The following ASIC2 variants were observed in gnomAD, a reference collection of about 807,000 sequenced individuals.
The protein encoded by ASIC2 is acid sensing ion channel subunit 2.
Under a neutral mutation model 57.3 loss-of-function variants are expected in ASIC2, and 25 were observed. The observed-to-expected ratio is 0.44, with a 90% CI of 0.32 to 0.61. The LOEUF (loss-of-function observed/expected upper bound fraction) is 0.61, where lower values mean the gene tolerates loss of function less well. Among genes scored for constraint, ASIC2 ranks in the 20% least tolerant of loss-of-function variants. ASIC2 has a pLI of 0.06. For missense variants in ASIC2, 641 were observed against 738.1 expected (o/e 0.87, Z 1.52); for synonymous variants, 319 against 307.5 (o/e 1.04, Z -0.39).
chr17:33,476,670 A>G (rs972583051), intron 1 of ASIC2, among the ~76,000 whole-genome samples: 1 of 151,746 alleles, frequency 6.6e-6, no homozygotes, highest in African/African-American at 2.4e-5. Context: ...GAGCTGGCCA[A>G]ATGGTGAGAG....
At chr17:33,437,261 C>T (rs1485663546) in intron 1 of ASIC2, among the ~76,000 whole-genome samples, 3 of 152,184 alleles carry the variant, frequency 2.0e-5, no homozygotes, top group Non-Finnish European at 4.4e-5. Context: ...ATCCTCCTGC[C>T]TCAGCCTCCC....
intron 2 of ASIC2, among the ~76,000 whole-genome samples, chr17:33,093,064 C>T (rs1408534055): frequency 6.6e-6 from 1 of 152,166 alleles, no homozygotes; most frequent in African/African-American, 2.4e-5. Context: ...AACACGGCAA[C>T]AATAACAGTA....
chr17:33,127,219 A>G (rs1265909007), intron 1 of ASIC2, among the ~76,000 whole-genome samples: 1 of 152,164 alleles, frequency 6.6e-6, no homozygotes, highest in Non-Finnish European at 1.5e-5. Flanking sequence ...AGAATCCATG[A>G]GAGGCTAAAC....
intron 1 of ASIC2, among the ~76,000 whole-genome samples, chr17:33,356,715 T>A (rs534672142): frequency 6.6e-6 from 1 of 152,174 alleles, no homozygotes; most frequent in Non-Finnish European, 1.5e-5. Context: ...ACAATTTGGA[T>A]GGAGCGCCTC....
Position 33,089,378 on chromosome 17 carries a change from G to T in ASIC2, c.860-388C>A, listed in dbSNP as rs1008206558. On this transcript the variant is annotated intron_variant, in intron 2 of 9. Coordinates refer to ENST00000225823, the MANE Select transcript of ASIC2 (RefSeq NM_183377.2). ...CCAGGGATGCAGGTAGCTTCTAGAA[G>T]CAGGAAAAGGCAGGGGAATGAATTT... Among the ~76,000 whole-genome samples the T allele has an allele frequency of 3.9e-5, 6 of 152,296 alleles. 1 individual carries two copies. The South Asian group carries it at 1.2e-3, about 32-fold the overall frequency.
At chr17:33,477,767 C>T (rs1255486653) in intron 1 of ASIC2, among the ~76,000 whole-genome samples, 2 of 152,130 alleles carry the variant, frequency 1.3e-5, no homozygotes, top group Non-Finnish European at 2.9e-5. Context: ...TAGGGATGGT[C>T]AGGGTAGGCT....
chr17:33,359,656 A>G lies in ASIC2; in HGVS notation c.556-247589T>C, dbSNP rs990637054. Among the ~76,000 whole-genome samples, 3 of 152,270 alleles carry G rather than the reference A, an allele frequency of 2.0e-5. No individual in the cohort carries two copies. In the South Asian group the frequency reaches 6.2e-4, roughly 32 times the overall value. On this transcript the variant is annotated intron_variant, in intron 1 of 9. Transcript: ENST00000359872. ...ATATAGCTAGCCATCTAAAAGCTCTAGCCAAAAGAAATAAGAGAAATCATT... is the reference window on the plus strand; with the variant it reads ...ATATAGCTAGCCATCTAAAAGCTCTGGCCAAAAGAAATAAGAGAAATCATT...
At chr17:33,214,294 C>T (rs1907391148) in intron 1 of ASIC2, among the ~76,000 whole-genome samples, 2 of 152,060 alleles carry the variant, frequency 1.3e-5, no homozygotes, top group Admixed American at 6.5e-5. Flanking sequence ...CTGTCTCCTC[C>T]CCAAGATGCT....
intron 1 of ASIC2, among the ~76,000 whole-genome samples, chr17:33,417,264 A>T (rs1910877723): frequency 6.6e-6 from 1 of 152,144 alleles, no homozygotes. Flanking sequence ...AAATCCACCC[A>T]GTTCAAGCCC....
chr17:33,483,714 T>G (rs889086960), intron 1 of ASIC2, among the ~76,000 whole-genome samples: 2 of 152,224 alleles, frequency 1.3e-5, no homozygotes, highest in African/African-American at 2.4e-5. Flanking sequence ...TTATGGCCTA[T>G]TCATGCTCTA....
At chr17:33,758,094 T>C (rs1910667727) in intron 1 of ASIC2, among the ~76,000 whole-genome samples, 1 of 152,216 alleles carries the variant, frequency 6.6e-6, no homozygotes, top group African/African-American at 2.4e-5. Context: ...GCTGCAGTAT[T>C]CACAAAACCG....
At chr17:33,916,338 G>A (rs1051710892) in intron 1 of ASIC2, among the ~76,000 whole-genome samples, 5 of 152,082 alleles carry the variant, frequency 3.3e-5, no homozygotes, top group African/African-American at 1.2e-4. Flanking sequence ...ACTAAGTACC[G>A]GTAGGTACTT....
intron 1 of ASIC2, among the ~76,000 whole-genome samples, chr17:33,405,713 A>T (rs1353333498): frequency 6.6e-6 from 1 of 151,246 alleles, no homozygotes; most frequent in Non-Finnish European, 1.5e-5. Context: ...CGAACCCCTG[A>T]CCTGGTGATC....
At chr17:33,952,211 C>T (rs1260860182) in intron 1 of ASIC2, among the ~76,000 whole-genome samples, 2 of 152,022 alleles carry the variant, frequency 1.3e-5, no homozygotes, top group Non-Finnish European at 2.9e-5. Context: ...AATACTGGTG[C>T]TCATTCTAAT....
At chr17:33,796,331 T>G (rs1376125300) in intron 1 of ASIC2, among the ~76,000 whole-genome samples, 1 of 152,192 alleles carries the variant, frequency 6.6e-6, no homozygotes, top group African/African-American at 2.4e-5. Flanking sequence ...TCTGCCAGTT[T>G]GTGTCCTTGA....
At chr17:33,240,330 T>C (rs1908454362) in intron 1 of ASIC2, among the ~76,000 whole-genome samples, 1 of 152,176 alleles carries the variant, frequency 6.6e-6, no homozygotes, top group Non-Finnish European at 1.5e-5. Context: ...TACAGGTTTT[T>C]TTTTGGATCT....
At chr17:33,256,797 A>C (rs1337033500) in intron 1 of ASIC2, among the ~76,000 whole-genome samples, 2 of 152,104 alleles carry the variant, frequency 1.3e-5, no homozygotes, top group Non-Finnish European at 2.9e-5. Flanking sequence ...GTGCCACTGC[A>C]CTCCAGCCTG....
At chr17:33,729,582 A>C (rs973915495) in intron 1 of ASIC2, among the ~76,000 whole-genome samples, 1 of 152,228 alleles carries the variant, frequency 6.6e-6, no homozygotes, top group Admixed American at 6.5e-5. Context: ...CACAGAGTCC[A>C]GAGCCAGATT....
At chr17:33,205,934 CA>C (rs1907044026) in intron 1 of ASIC2, among the ~76,000 whole-genome samples, 1 of 152,164 alleles carries the variant, frequency 6.6e-6, no homozygotes, top group South Asian at 2.1e-4. Flanking sequence ...TTGGATCTGG[CA>C]ACAAGAATGC....
Sources: allele counts gnomAD v4.1 joint callset (sites outside exome capture counted in the v4.1 genomes callset), GRCh38; gene constraint gnomAD v4.1.1; transcripts MANE v1.5; gene names NCBI Gene and HGNC (gene_info 2026-07-23, HGNC 2026-07-21).